Variants in ANKS1B observed in about 807,000 individuals in gnomAD.
ANKS1B encodes ankyrin repeat and sterile alpha motif domain-containing protein 1B.
In ANKS1B, 36 loss-of-function variants were observed where a neutral mutation model predicts 148.3. That is an observed-to-expected ratio of 0.24 (90% CI 0.19 to 0.32). The LOEUF (loss-of-function observed/expected upper bound fraction) is 0.32. Ranked by LOEUF, ANKS1B falls within the 10% of genes least tolerant of loss-of-function variation. ANKS1B has a pLI of 1.00. For synonymous variants in ANKS1B, 542 were observed against 560.8 expected (o/e 0.97, Z 0.47); for missense variants, 1,157 against 1,542.6 (o/e 0.75, Z 4.19).
chr12:99,941,187 G>T (rs1192424456), intron 1 of ANKS1B, among the ~76,000 whole-genome samples: 1 of 151,972 alleles, frequency 6.6e-6, no homozygotes, highest in Non-Finnish European at 1.5e-5. Flanking sequence ...TAGAAGACAG[G>T]GACATGAAGA....
At chr12:99,709,056 C>T (rs1273216085) in intron 8 of ANKS1B, among the ~76,000 whole-genome samples, 4 of 152,062 alleles carry the variant, frequency 2.6e-5, no homozygotes, top group Non-Finnish European at 5.9e-5. Context: ...AGCCATTTCT[C>T]TTGGTAAACA....
intron 1 of ANKS1B, among the ~76,000 whole-genome samples, chr12:99,873,151 T>G (rs1230159454): frequency 6.6e-6 from 1 of 152,188 alleles, no homozygotes; most frequent in Non-Finnish European, 1.5e-5. Flanking sequence ...TGTCTAAATG[T>G]TAGGCTATTA....
intron 11 of ANKS1B, among the ~76,000 whole-genome samples, chr12:99,416,132 A>G (rs1056837861): frequency 1.3e-5 from 2 of 152,188 alleles, no homozygotes; most frequent in Non-Finnish European, 2.9e-5. Flanking sequence ...ACCTTTTAGG[A>G]CTGGCTTTTC....
chr12:98,848,559 ATTTT>A (rs199611015), intron 17 of ANKS1B, among the ~76,000 whole-genome samples: 4 of 136,490 alleles, frequency 2.9e-5, no homozygotes, highest in Admixed American at 7.4e-5. Context: ...GTAATTTGTG[ATTTT>A]TTTTTTTTTT....
At chr12:99,955,227 T>C (rs533853333) in intron 1 of ANKS1B, among the ~76,000 whole-genome samples, 4 of 152,208 alleles carry the variant, frequency 2.6e-5, no homozygotes, top group Non-Finnish European at 5.9e-5. Flanking sequence ...TATTTCTCCC[T>C]ACACCCCAGG....
chr12:99,874,588 C>G (rs117498234), intron 1 of ANKS1B, among the ~76,000 whole-genome samples: 3 of 152,244 alleles, frequency 2.0e-5, no homozygotes, highest in Non-Finnish European at 2.9e-5. Context: ...TAGCTAAGAT[C>G]AAGAGAAGTC....
chr12:99,456,559 AATAG>A (rs1353544930), intron 10 of ANKS1B, among the ~76,000 whole-genome samples: 5 of 152,222 alleles, frequency 3.3e-5, no homozygotes, highest in Middle Eastern at 3.4e-3. Context: ...TCTCCAGTGA[AATAG>A]ATAGCATAAA....
chr12:99,097,082 A>G (rs1334833626), intron 15 of ANKS1B: 1 of 152,226 alleles, frequency 6.6e-6, no homozygotes, highest in Non-Finnish European at 1.5e-5. Flanking sequence ...CTGTTTGCTA[A>G]GTGTTGAATA....
intron 1 of ANKS1B, among the ~76,000 whole-genome samples, chr12:99,929,518 A>T: frequency 6.6e-6 from 1 of 152,016 alleles, no homozygotes; most frequent in African/African-American, 2.4e-5. Context: ...CCCATTTGTC[A>T]ATTTTGGCTT....
intron 9 of ANKS1B, among the ~76,000 whole-genome samples, chr12:99,651,055 T>G (rs1289398473): frequency 6.6e-6 from 1 of 152,172 alleles, no homozygotes; most frequent in Non-Finnish European, 1.5e-5. Flanking sequence ...GAAATATAAT[T>G]TATTCCAATC....
At chr12:99,772,085 A>G (rs1037747860) in intron 8 of ANKS1B, among the ~76,000 whole-genome samples, 1 of 152,256 alleles carries the variant, frequency 6.6e-6, no homozygotes, top group Non-Finnish European at 1.5e-5. Flanking sequence ...AGTATATACT[A>G]TAAGTCCTTC....
At chr12:99,940,721 T>C (rs961005515) in intron 1 of ANKS1B, among the ~76,000 whole-genome samples, 7 of 152,144 alleles carry the variant, frequency 4.6e-5, no homozygotes, top group African/African-American at 1.2e-4. Context: ...ACAATTTAAA[T>C]GCCTTGTAAG....
rs1448965493 is a variant in ANKS1B at position 99,910,290 on chromosome 12, G to A, written c.134+73814C>T. On this transcript the variant is annotated intron_variant, in intron 1 of 26. Coordinates refer to ENST00000683438, the MANE Select transcript of ANKS1B (RefSeq NM_001352186.2). ...GAACTGCTTGAACCAGGGAGGCGGA[G>A]GTCGCAGTGAGCCGAGATCGCACCA... 3.4e-5 allele frequency among the ~76,000 whole-genome samples: 5 copies of A among 146,908 alleles called. 1 individual carries two copies. Among genetic ancestry groups the A allele is most frequent in the Admixed American group, 2.8e-4 (4 of 14,362 alleles).
rs1043576137 is a variant in ANKS1B, at chr12:99,246,153, T to C, written c.2346+122A>G. On this transcript the variant is annotated intron_variant, in intron 13 of 26. Transcript: ENST00000683438. ...TACCCACAGAACCATTTCATTCCAG[T>C]TGGAGCCGTATGCTTTTTTTTTTCT... is the stretch of plus-strand genomic sequence containing the variant. The C allele has an allele frequency of 1.4e-5, 10 of 715,030 alleles. No individual in the cohort carries two copies. In the African/African-American group the frequency reaches 1.6e-4, roughly 12 times the overall value. The allele number at this position is 715,030 out of a possible 1,614,324, so 44.3% of individuals were successfully genotyped here. A position where few individuals can be genotyped will look rare whatever the true frequency, so the allele number is the denominator to read the frequency against.
chr12:99,117,716 T>C (rs775271233), intron 15 of ANKS1B, among the ~76,000 whole-genome samples: 3 of 152,226 alleles, frequency 2.0e-5, no homozygotes, highest in Non-Finnish European at 4.4e-5. Context: ...CCTCATAAAA[T>C]GAGTTAGGGA....
intron 17 of ANKS1B, among the ~76,000 whole-genome samples, chr12:98,997,404 A>ATTT (rs34655015): frequency 1.4e-5 from 2 of 138,310 alleles, no homozygotes; most frequent in Non-Finnish European, 3.1e-5. Flanking sequence ...AGTGTTTGCA[A>ATTT]TTTTTTTTTT....
intron 14 of ANKS1B, among the ~76,000 whole-genome samples, chr12:99,157,557 C>T (rs1415250034): frequency 6.6e-6 from 1 of 152,070 alleles, no homozygotes; most frequent in Non-Finnish European, 1.5e-5. Flanking sequence ...TTGAGATTCT[C>T]ATTTCTTAGT....
rs1017926902 is a variant in ANKS1B at position 99,870,002 on chromosome 12, T to C, written c.135-44613A>G. Among the ~76,000 whole-genome samples, 16 of 152,174 alleles carry C rather than the reference T, an allele frequency of 1.1e-4. 1 individual carries two copies. Among genetic ancestry groups the C allele is most frequent in the Non-Finnish European group, 2.1e-4 (14 of 68,032 alleles). On this transcript the variant is annotated intron_variant, in intron 1 of 26. Transcript: ENST00000683438. ...GATGTACAGATTTATTACACAGATA[T>C]ATTGTGTGATGTTGAGAATTAGGGT... is the stretch of plus-strand genomic sequence containing the variant.
intron 17 of ANKS1B, among the ~76,000 whole-genome samples, chr12:98,923,708 A>C (rs1410059170): frequency 1.3e-5 from 2 of 152,200 alleles, no homozygotes; most frequent in Admixed American, 1.3e-4. Flanking sequence ...TTTAAAAAAA[A>C]TAAAGAATTC....
Sources: gnomAD v4.1 joint callset for allele counts (sites outside exome capture counted in the v4.1 genomes callset) on GRCh38, gnomAD v4.1.1 for gene constraint, MANE v1.5 for transcripts, NCBI Gene and HGNC (gene_info 2026-07-23, HGNC 2026-07-21) for gene names.